The following SNX30 variants were observed in gnomAD, a reference collection of about 807,000 sequenced individuals.
The protein encoded by SNX30 is sorting nexin family member 30.
In SNX30, 24 loss-of-function variants were observed where a neutral mutation model predicts 46.4. The ratio of observed to expected loss-of-function variants is 0.52; its 90% confidence interval spans 0.37 to 0.73. SNX30 has a LOEUF of 0.73. SNX30 is among the 30% of genes least tolerant of loss of function. The pLI is 0.00. For synonymous variants in SNX30, 189 were observed against 211.5 expected, an observed-to-expected ratio of 0.89 and a Z score of 0.92; for missense variants, 533 against 555.7, an observed-to-expected ratio of 0.96 and a Z score of 0.41.
chr9:112,798,123 T>TTC (rs1840142662), intron 1 of SNX30, among the ~76,000 whole-genome samples: 4 of 4,236 alleles, frequency 9.4e-4, no homozygotes, highest in African/African-American at 1.2e-3. Flanking sequence ...TTTTTTTTCT[T>TTC]TTTTTTTTTT....
intron 1 of SNX30, among the ~76,000 whole-genome samples, chr9:112,771,486 G>C (rs1364591337): frequency 1.3e-5 from 2 of 152,092 alleles, no homozygotes; most frequent in South Asian, 4.1e-4. Context: ...TCTGTCTTGC[G>C]TGTGTGTGAA....
At chr9:112,809,663 A>G (rs981082810) in intron 2 of SNX30, among the ~76,000 whole-genome samples, 1 of 152,146 alleles carries the variant, frequency 6.6e-6, no homozygotes, top group African/African-American at 2.4e-5. Context: ...AGGCTGAATT[A>G]TGTACAATGC....
rs761818409 is a variant in SNX30, at chr9:112,836,431, C to T, written c.814+22C>T. 7.6e-6 allele frequency: 12 copies of T among 1,572,258 alleles called. No individual in the cohort carries two copies. In the African/African-American group the frequency reaches 9.4e-5, roughly 12 times the overall value. ...ATAGGTGAGCTGTCTGTTGAGGTCT[C>T]GATTATGCCCTGCAGCCACATTGGC... On this transcript the variant is annotated intron_variant, in intron 5 of 8. Coordinates refer to ENST00000374232, the MANE Select transcript of SNX30 (RefSeq NM_001012994.2).
chr9:112,882,522 G>C (rs942016945), downstream of SNX30, among the ~76,000 whole-genome samples: 1 of 152,198 alleles, frequency 6.6e-6, no homozygotes, highest in African/African-American at 2.4e-5. Flanking sequence ...GCTGGAGAGA[G>C]GATGGGAGTG....
At chr9:112,796,587 C>A (rs185151688) in intron 1 of SNX30, among the ~76,000 whole-genome samples, 1 of 152,276 alleles carries the variant, frequency 6.6e-6, no homozygotes, top group East Asian at 1.9e-4. Context: ...AGAAGCATAA[C>A]GGAAGAGAAG....
intron 6 of SNX30, among the ~76,000 whole-genome samples, chr9:112,839,329 C>T (rs1022334413): frequency 2.0e-5 from 3 of 152,086 alleles, no homozygotes; most frequent in African/African-American, 7.3e-5. Context: ...GATCACCAGC[C>T]CAAAGCATAT....
chr9:112,832,819 A>G (rs1840688060), intron 4 of SNX30, among the ~76,000 whole-genome samples: 1 of 146,492 alleles, frequency 6.8e-6, no homozygotes, highest in Non-Finnish European at 1.5e-5. Flanking sequence ...TATATTATAT[A>G]TTAATATATA....
chr9:112,865,938 T>C (rs1300008548), intron 8 of SNX30, among the ~76,000 whole-genome samples: 1 of 151,912 alleles, frequency 6.6e-6, no homozygotes, highest in East Asian at 1.9e-4. Flanking sequence ...ATGTCAAATG[T>C]CTCTGTTGCT....
chr9:112,855,455 G>A (rs2131490488), intron 7 of SNX30, among the ~76,000 whole-genome samples: 1 of 152,224 alleles, frequency 6.6e-6, no homozygotes, highest in Admixed American at 6.5e-5. Flanking sequence ...GGATAAGGAG[G>A]GAAAGTTGAT....
intron 1 of SNX30, among the ~76,000 whole-genome samples, chr9:112,757,580 G>GT (rs1363846789): frequency 6.6e-6 from 1 of 152,202 alleles, no homozygotes; most frequent in Non-Finnish European, 1.5e-5. Flanking sequence ...CCTCCATACT[G>GT]TTTTCCATAA....
rs566260162 is a variant in SNX30 at position 112,864,789 on chromosome 9, G to A, written c.1254+390G>A. On this transcript the variant is annotated intron_variant, in intron 8 of 8. Transcript: ENST00000374232. ...AGGGTCCCTTCAGTTTGGTTGTGCA[G>A]TGAACCCCTTTGGTCATCTGGTGAA... 1.2e-4 allele frequency among the ~76,000 whole-genome samples: 18 copies of A among 152,206 alleles called. 1 individual carries two copies. The East Asian group carries it at 1.9e-3, about 16-fold the overall frequency.
Position 112,750,794 on chromosome 9 carries a change from GGGCGCGGAGCGGGGGCGCGC to G in SNX30, c.-195_-176del, listed in dbSNP as rs904690418. On this transcript the variant is annotated 5_prime_UTR_variant, in exon 1 of 9. Transcript: ENST00000374232. ...CTGCCAGCGGACCCGCGGCGGGCTC[GGGCGCGGAGCGGGGGCGCGC>G]GGCGCGGAGCGGAGCGTCTGAGCGC... 3.5e-5 allele frequency: 7 copies of G among 197,400 alleles called. No homozygotes were observed. Among genetic ancestry groups the G allele is most frequent in the African/African-American group, 4.8e-5 (2 of 41,760 alleles). The allele number at this position is 197,400 out of a possible 1,614,324, so 12.2% of individuals were successfully genotyped here.
At chr9:112,794,873 G>T (rs1840084083) in intron 1 of SNX30, among the ~76,000 whole-genome samples, 1 of 152,070 alleles carries the variant, frequency 6.6e-6, no homozygotes. Context: ...GTCTTCCTAG[G>T]GTAAAGTAAA....
At chr9:112,791,791 T>A (rs1298178772) in intron 1 of SNX30, among the ~76,000 whole-genome samples, 1 of 152,174 alleles carries the variant, frequency 6.6e-6, no homozygotes, top group Non-Finnish European at 1.5e-5. Context: ...AATATTTTGG[T>A]AGTTTTGGAC....
At chr9:112,835,550 C>T (rs1284455664) in intron 4 of SNX30, among the ~76,000 whole-genome samples, 1 of 151,662 alleles carries the variant, frequency 6.6e-6, no homozygotes, top group Admixed American at 6.6e-5. Flanking sequence ...CTCCTGACCT[C>T]AAGTGATCTG....
intron 1 of SNX30, among the ~76,000 whole-genome samples, chr9:112,795,395 C>G (rs1840090451): frequency 6.6e-6 from 1 of 152,320 alleles, no homozygotes; most frequent in Admixed American, 6.5e-5. Flanking sequence ...AGGTTAGCCT[C>G]AGTTGCTTGT....
intron 2 of SNX30, among the ~76,000 whole-genome samples, 162 bp downstream of exon 2, chr9:112,805,129 A>C (rs1840205427): frequency 6.6e-6 from 1 of 152,350 alleles, no homozygotes; most frequent in South Asian, 2.1e-4. Context: ...AATTCAGATG[A>C]AAAGGATTAT....
intron 1 of SNX30, among the ~76,000 whole-genome samples, chr9:112,780,861 C>T (rs1839835525): frequency 6.6e-6 from 1 of 152,210 alleles, no homozygotes; most frequent in Non-Finnish European, 1.5e-5. Flanking sequence ...GTAATGTGCT[C>T]TGAATCTTTG....
chr9:112,865,645 A>ATG lies in SNX30; in HGVS notation c.1254+1247_1254+1248insGT, dbSNP rs1400911336. ...ACGCCATATATATATATATATATAT[A>ATG]TATATATATATATATATGTATGTAT... On this transcript the variant is annotated intron_variant, in intron 8 of 8. Transcript: ENST00000374232. Among the ~76,000 whole-genome samples the ATG allele has an allele frequency of 3.7e-4, 31 of 84,368 alleles. 2 individuals carry two copies. The highest frequency in any genetic ancestry group is 6.2e-3 in the Middle Eastern group (1 of 162). 55.3% of individuals were successfully genotyped at this position (84,368 alleles called of 152,430 possible). A position where few individuals can be genotyped will look rare whatever the true frequency, so the allele number is the denominator to read the frequency against.
Sources: allele counts gnomAD v4.1 joint callset (sites outside exome capture counted in the v4.1 genomes callset), GRCh38; gene constraint gnomAD v4.1.1; transcripts MANE v1.5; gene names NCBI Gene and HGNC (gene_info 2026-07-23, HGNC 2026-07-21).